The following ATG7 variants were observed in gnomAD, a reference collection of about 807,000 sequenced individuals.
ATG7 encodes autophagy related 7.
ATG7 carries 70 observed loss-of-function variants against 82.4 expected under a neutral mutation model. That is an observed-to-expected ratio of 0.85 (90% CI 0.70 to 1.04). ATG7 has a LOEUF of 1.04. Ranked by LOEUF, ATG7 falls within the 50% of genes least tolerant of loss-of-function variation. The pLI, the probability that ATG7 is intolerant of heterozygous loss-of-function variation, is 0.00. For missense variants in ATG7, 792 were observed against 864.3 expected (o/e 0.92, Z 1.05); for synonymous variants, 287 against 313.0 (o/e 0.92, Z 0.88).
At chr3:11,343,022 T>C (rs1953916502) in intron 13 of ATG7, among the ~76,000 whole-genome samples, 2 of 152,006 alleles carry the variant, frequency 1.3e-5, no homozygotes, top group South Asian at 4.2e-4. Context: ...CTCCACCTCC[T>C]GAGTTCAGCG....
intron 20 of ATG7, among the ~76,000 whole-genome samples, chr3:11,471,904 G>A (rs2087587686): frequency 6.6e-6 from 1 of 151,746 alleles, no homozygotes; most frequent in Non-Finnish European, 1.5e-5. Context: ...TGCACAGCTA[G>A]TTTTTGTATT....
intron 20 of ATG7, among the ~76,000 whole-genome samples, chr3:11,449,996 G>T (rs2084951780): frequency 6.6e-6 from 1 of 152,222 alleles, no homozygotes; most frequent in African/African-American, 2.4e-5. Context: ...CTGGCAGGGG[G>T]TGGGAGGAGT....
chr3:11,557,552 C>CCGCACTACTTGTGAGTAAA lies in ATG7; in HGVS notation c.*2710_*2728dup, dbSNP rs2072558043. 2 of 152,534 alleles carry CCGCACTACTTGTGAGTAAA rather than the reference C, an allele frequency of 1.3e-5. No individual in the cohort carries two copies. The highest frequency in any genetic ancestry group is 6.5e-5 in the Admixed American group (1 of 15,284). 9.4% of individuals were successfully genotyped at this position (152,534 alleles called of 1,614,324 possible). On this transcript the variant is annotated 3_prime_UTR_variant, in exon 21 of 21. Transcript: ENST00000693202. ...CGAGGGCCTGCCAGGAGCTGGCCTC[C>CCGCACTACTTGTGAGTAAA]CGCACTACTTGTGAGTAAAGTGAAT... is the stretch of plus-strand genomic sequence containing the variant.
At chr3:11,379,500 AG>A (rs2077707124) in intron 18 of ATG7, among the ~76,000 whole-genome samples, 1 of 152,178 alleles carries the variant, frequency 6.6e-6, no homozygotes, top group South Asian at 2.1e-4. Context: ...ATATATGTCT[AG>A]GGCCATTTCG....
At chr3:11,474,314 CAG>C (rs1357311322) in intron 20 of ATG7, among the ~76,000 whole-genome samples, 1 of 152,198 alleles carries the variant, frequency 6.6e-6, no homozygotes, top group African/African-American at 2.4e-5. Context: ...TAAAATAAAA[CAG>C]AGGCTGGTGC....
chr3:11,298,709 C>T lies in ATG7; in HGVS notation c.14C>T (p.Thr5Met), dbSNP rs754732179. The T allele has an allele frequency of 1.1e-5, 18 of 1,613,734 alleles. No individual in the cohort carries two copies. The Admixed American group carries it at 1.5e-4, about 13-fold the overall frequency. ...AGGCAAGAAATAATGGCGGCAGCTA[C>T]GGGGGATCCTGGACTCTCTAAACTG... MAAA[T>M]GDPGLSKLQF... The change falls in exon 4 of 21, where the codon ACG becomes ATG. Residue 5 changes from threonine (T) to methionine (M), a missense_variant. Transcript: ENST00000693202.
intron 20 of ATG7, among the ~76,000 whole-genome samples, chr3:11,436,432 A>G (rs2083375148): frequency 6.6e-6 from 1 of 151,288 alleles, no homozygotes; most frequent in African/African-American, 2.5e-5. Context: ...AATTAAACAT[A>G]GAATTACCAT....
rs1385734290 is a variant in ATG7 at position 11,555,869 on chromosome 3, T to C, written c.*1026T>C. 1 of 152,246 alleles carries C rather than the reference T, an allele frequency of 6.6e-6. No homozygotes were observed. Among genetic ancestry groups the C allele is most frequent in the African/African-American group, 2.4e-5 (1 of 41,418 alleles). The allele number at this position is 152,246 out of a possible 1,614,324, so 9.4% of individuals were successfully genotyped here. A position where few individuals can be genotyped will look rare whatever the true frequency, so the allele number is the denominator to read the frequency against. Reference sequence around the variant, plus strand: ...CTTAGGCCCAGAATCAAAGTGAAAATTGAGTCGAGCTGACCCTTACAACAG... The same window carrying C: ...CTTAGGCCCAGAATCAAAGTGAAAACTGAGTCGAGCTGACCCTTACAACAG... On this transcript the variant is annotated 3_prime_UTR_variant, in exon 21 of 21. Coordinates refer to ENST00000693202, the MANE Select transcript of ATG7 (RefSeq NM_001349232.2).
At chr3:11,358,186 GTC>G (rs763749039) in intron 14 of ATG7, among the ~76,000 whole-genome samples, 1 of 152,030 alleles carries the variant, frequency 6.6e-6, no homozygotes, top group Non-Finnish European at 1.5e-5. Context: ...AGATCCGTAT[GTC>G]TCTGTTTGCT....
intron 20 of ATG7, among the ~76,000 whole-genome samples, chr3:11,464,611 CTTG>C (rs1242501043): frequency 1.3e-5 from 2 of 152,196 alleles, no homozygotes; most frequent in African/African-American, 4.8e-5. Flanking sequence ...GCCAGATGGA[CTTG>C]TTGTTTTAAT....
intron 20 of ATG7, among the ~76,000 whole-genome samples, chr3:11,548,184 C>T (rs1396081451): frequency 6.6e-6 from 1 of 152,014 alleles, no homozygotes; most frequent in African/African-American, 2.4e-5. Context: ...TTTATTATTG[C>T]GTTGTAAATG....
chr3:11,350,945 AAAAG>A (rs2075492936), intron 14 of ATG7, among the ~76,000 whole-genome samples: 1 of 151,126 alleles, frequency 6.6e-6, no homozygotes, highest in Admixed American at 6.6e-5. Context: ...AAAAAAAAAA[AAAAG>A]CAGTGATCCA....
chr3:11,426,000 A>G (rs543478633), intron 19 of ATG7, among the ~76,000 whole-genome samples: 2 of 152,132 alleles, frequency 1.3e-5, no homozygotes, highest in Non-Finnish European at 2.9e-5. Flanking sequence ...ACCACAATCC[A>G]TTTGTTCATT....
chr3:11,348,896 T>G (rs1955001641), intron 14 of ATG7: 1 of 152,260 alleles, frequency 6.6e-6, no homozygotes, highest in Admixed American at 6.5e-5. Context: ...ATCCTTTAGC[T>G]AGACATAGAG....
chr3:11,310,266 C>T (rs1162328799), intron 7 of ATG7, among the ~76,000 whole-genome samples: 1 of 152,062 alleles, frequency 6.6e-6, no homozygotes, highest in Non-Finnish European at 1.5e-5. Context: ...TTCTTTGGAG[C>T]GGGCATATAA....
At chr3:11,454,679 C>A (rs2085527994) in intron 20 of ATG7, among the ~76,000 whole-genome samples, 1 of 152,216 alleles carries the variant, frequency 6.6e-6, no homozygotes. Context: ...TCCCTTGCAA[C>A]CACAAGTTCT....
At chr3:11,306,216 G>A (rs903473280) in intron 5 of ATG7, among the ~76,000 whole-genome samples, 18 of 152,332 alleles carry the variant, frequency 1.2e-4, no homozygotes, top group South Asian at 4.1e-4. Context: ...GCAGACAACC[G>A]TCAGGGGCTT....
At position 11,500,717 on chromosome 3, in the gene ATG7, ACCTC is replaced by A. The variant is rs542612803; in HGVS notation, c.2080-54091_2080-54088del. ...GGCCGGACGTCTCACTGCAACCTCC[ACCTC>A]CCAGGTTCAAGCAATTCTCCTGCCT... On this transcript the variant is annotated intron_variant, in intron 20 of 20. Transcript: ENST00000693202. Among the ~76,000 whole-genome samples the A allele has an allele frequency of 2.1e-3, 325 of 151,972 alleles. 1 individual carries two copies. Among genetic ancestry groups the A allele is most frequent in the African/African-American group, 7.5e-3 (310 of 41,444 alleles).
chr3:11,275,454 T>C (rs1023746385), intron 1 of ATG7, among the ~76,000 whole-genome samples: 7 of 150,326 alleles, frequency 4.7e-5, no homozygotes, highest in Admixed American at 1.3e-4. Flanking sequence ...GTTCACTCCA[T>C]ACTCCTGCCT....
Sources: gnomAD v4.1 joint callset for allele counts (sites outside exome capture counted in the v4.1 genomes callset) on GRCh38, gnomAD v4.1.1 for gene constraint, MANE v1.5 for transcripts, NCBI Gene and HGNC (gene_info 2026-07-23, HGNC 2026-07-21) for gene names.